THSD4: variants seen among roughly 807,000 people sequenced by gnomAD.
THSD4 encodes thrombospondin type-1 domain-containing protein 4.
THSD4 carries 69 observed loss-of-function variants against 119.0 expected under a neutral mutation model. The observed-to-expected ratio is 0.58, with a 90% confidence interval of 0.48 to 0.71. THSD4 has a LOEUF of 0.71. Ranked by LOEUF, THSD4 falls within the 30% of genes least tolerant of loss-of-function variation. The pLI, the probability that THSD4 is intolerant of heterozygous loss-of-function variation, is 0.00. For synonymous variants in THSD4, 524 were observed against 540.4 expected, an observed-to-expected ratio of 0.97 and a Z score of 0.42; for missense variants, 1,393 against 1,391.1, an observed-to-expected ratio of 1.00 and a Z score of -0.02.
At chr15:71,740,600 C>T (rs570048215) in intron 11 of THSD4, among the ~76,000 whole-genome samples, 4 of 152,294 alleles carry the variant, frequency 2.6e-5, no homozygotes, top group African/African-American at 9.6e-5. Context: ...CAGACGCTCC[C>T]ACGGTCTCTC....
intron 7 of THSD4, among the ~76,000 whole-genome samples, chr15:71,604,811 GAAAACA>G (rs1000054416): frequency 1.5e-5 from 2 of 132,792 alleles, no homozygotes; most frequent in African/African-American, 2.7e-5. Context: ...TGCCAAAAGT[GAAAACA>G]AAAACAAAAA....
chr15:71,689,984 C>A, intron 8 of THSD4, among the ~76,000 whole-genome samples: 1 of 152,200 alleles, frequency 6.6e-6, no homozygotes, highest in Non-Finnish European at 1.5e-5. Context: ...CCAAAATATG[C>A]CGCTTCAAAC....
At chr15:71,413,122 C>T (rs1223884136) in intron 7 of THSD4, among the ~76,000 whole-genome samples, 1 of 152,146 alleles carries the variant, frequency 6.6e-6, no homozygotes, top group Non-Finnish European at 1.5e-5. Flanking sequence ...AGGGATTCTC[C>T]TGCCTCAACC....
chr15:71,604,629 T>C (rs187979111), intron 7 of THSD4, among the ~76,000 whole-genome samples: 2 of 152,206 alleles, frequency 1.3e-5, no homozygotes, highest in Non-Finnish European at 2.9e-5. Flanking sequence ...ATTATCTATA[T>C]CAAATCAGCA....
intron 7 of THSD4, among the ~76,000 whole-genome samples, chr15:71,533,028 G>C (rs1595863902): frequency 1.3e-5 from 2 of 152,310 alleles, no homozygotes; most frequent in Middle Eastern, 6.8e-3. Context: ...GCCTTCTGAA[G>C]TATGAGTTGT....
intron 4 of THSD4, among the ~76,000 whole-genome samples, chr15:71,227,804 G>A (rs963033045): frequency 4.6e-5 from 7 of 152,182 alleles, no homozygotes; most frequent in South Asian, 2.1e-4. Flanking sequence ...GGGGATACCC[G>A]CTGTGGTTGA....
chr15:71,358,093 C>G (rs947614050), intron 6 of THSD4, among the ~76,000 whole-genome samples: 1 of 152,190 alleles, frequency 6.6e-6, no homozygotes, highest in Non-Finnish European at 1.5e-5. Context: ...TCCTTCTTTT[C>G]CAGACAAGTG....
In THSD4 at chr15:71,738,291, C is replaced by G. The variant is rs2053165697; in HGVS notation, c.1906+284C>G. ...CGCTCCTATGAGAATGTAACGCCAC[C>G]ACTGATCTCGCCCACCCACCAGTCA... On this transcript the variant is annotated intron_variant, in intron 11 of 17. Coordinates refer to ENST00000261862, the MANE Select transcript of THSD4 (RefSeq NM_024817.3). 5 of 333,986 alleles carry G rather than the reference C, an allele frequency of 1.5e-5. No homozygotes were observed. In the Admixed American group the frequency reaches 1.8e-4, roughly 12 times the overall value. The allele number at this position is 333,986 out of a possible 1,614,324, so 20.7% of individuals were successfully genotyped here. A position where few individuals can be genotyped will look rare whatever the true frequency, so the allele number is the denominator to read the frequency against.
At chr15:71,337,229 C>T (rs1456753422) in intron 6 of THSD4, among the ~76,000 whole-genome samples, 1 of 152,150 alleles carries the variant, frequency 6.6e-6, no homozygotes, top group Non-Finnish European at 1.5e-5. Context: ...GTAGTGGCTG[C>T]AGCAGCCAGG....
At chr15:71,366,722 T>C (rs2045970269) in intron 6 of THSD4, among the ~76,000 whole-genome samples, 1 of 152,124 alleles carries the variant, frequency 6.6e-6, no homozygotes, top group African/African-American at 2.4e-5. Flanking sequence ...CACTCCCACA[T>C]TATTTGCTCC....
chr15:71,731,374 G>T (rs888109660), intron 10 of THSD4, 157 bp downstream of exon 10: 4 of 674,740 alleles, frequency 5.9e-6, no homozygotes, highest in African/African-American at 1.8e-5. Context: ...ATTGGAGCAG[G>T]CTTCACCATT....
Position 71,568,745 on chromosome 15 carries a change from C to T in THSD4, c.1153-91785C>T, listed in dbSNP as rs186329938. On this transcript the variant is annotated intron_variant, in intron 7 of 17. Coordinates refer to ENST00000261862, the MANE Select transcript of THSD4 (RefSeq NM_024817.3). The stretch of plus-strand genomic sequence containing the variant: ...CCTCATGCTATCCCTCCCCCTTCCC[C>T]CGACCCCACAACAGGTCCCGGTGTG... Among the ~76,000 whole-genome samples the T allele has an allele frequency of 9.0e-3, 1,366 of 152,294 alleles. 14 individuals are homozygous for T. The highest frequency in any genetic ancestry group is 0.014 in the Non-Finnish European group (931 of 68,018).
intron 7 of THSD4, among the ~76,000 whole-genome samples, chr15:71,634,716 G>C (rs2050704888): frequency 6.6e-6 from 1 of 152,152 alleles, no homozygotes. Context: ...GAAGTCAAGG[G>C]AGGAAGTTCT....
rs377234569 is a variant in THSD4 at position 71,720,033 on chromosome 15, T to TGC, written c.1358-8516_1358-8515insGC. 3.9e-4 allele frequency among the ~76,000 whole-genome samples: 34 copies of TGC among 86,314 alleles called. No homozygotes were observed. In the East Asian group the frequency reaches 6.1e-3, roughly 16 times the overall value. The allele number at this position is 86,314 out of a possible 152,430, so 56.6% of individuals were successfully genotyped here. On this transcript the variant is annotated intron_variant, in intron 8 of 17. Coordinates refer to ENST00000261862, the MANE Select transcript of THSD4 (RefSeq NM_024817.3). ...TGTAATAACATGTGCTTTTTTTTTT[T>TGC]TTCTTTTTTTTTTTTTTTTGAGACA...
chr15:71,505,215 G>A (rs1214226613), intron 7 of THSD4, among the ~76,000 whole-genome samples: 2 of 152,162 alleles, frequency 1.3e-5, no homozygotes, highest in Non-Finnish European at 2.9e-5. Flanking sequence ...GATTACACTA[G>A]GTAGTACAGA....
chr15:71,683,798 AC>A (rs2051848459), intron 8 of THSD4, among the ~76,000 whole-genome samples: 1 of 152,220 alleles, frequency 6.6e-6, no homozygotes, highest in African/African-American at 2.4e-5. Context: ...AACAGGTGAA[AC>A]CCCATCTGTA....
intron 6 of THSD4, among the ~76,000 whole-genome samples, chr15:71,265,024 G>A: frequency 6.6e-6 from 1 of 151,992 alleles, no homozygotes. Flanking sequence ...TGATCTGATA[G>A]GATTAGTGTT....
chr15:71,392,482 A>G (rs1231808413), intron 6 of THSD4, among the ~76,000 whole-genome samples: 1 of 152,230 alleles, frequency 6.6e-6, no homozygotes, highest in Non-Finnish European at 1.5e-5. Flanking sequence ...AAACCCAGGT[A>G]AGGACTATGC....
chr15:71,206,924 G>T (rs2043848518), intron 3 of THSD4, among the ~76,000 whole-genome samples: 1 of 152,178 alleles, frequency 6.6e-6, no homozygotes, highest in Non-Finnish European at 1.5e-5. Context: ...TTCAGTAACA[G>T]ATCGTATGTT....
Sources: gnomAD v4.1 joint callset for allele counts (sites outside exome capture counted in the v4.1 genomes callset) on GRCh38, gnomAD v4.1.1 for gene constraint, MANE v1.5 for transcripts, NCBI Gene and HGNC (gene_info 2026-07-23, HGNC 2026-07-21) for gene names.